Variants in LRMDA observed in about 807,000 individuals in gnomAD.
LRMDA encodes leucine rich melanocyte differentiation associated.
In LRMDA, 18 loss-of-function variants were observed where a neutral mutation model predicts 29.8. The observed-to-expected ratio is 0.60, with a 90% CI of 0.42 to 0.90. The LOEUF (loss-of-function observed/expected upper bound fraction) is 0.90, where lower values mean the gene tolerates loss of function less well. Ranked by LOEUF, LRMDA falls within the 40% of genes least tolerant of loss-of-function variation. The pLI, the probability that LRMDA is intolerant of heterozygous loss-of-function variation, is 0.00. For missense variants in LRMDA, 273 were observed against 273.9 expected, an observed-to-expected ratio of 1.00 and a Z score of 0.02; for synonymous variants, 125 against 109.4, an observed-to-expected ratio of 1.14 and a Z score of -0.89.
At chr10:75,966,864 A>G (rs1347200195) in intron 2 of LRMDA, among the ~76,000 whole-genome samples, 1 of 152,220 alleles carries the variant, frequency 6.6e-6, no homozygotes, top group Non-Finnish European at 1.5e-5. Context: ...CTATTATGAG[A>G]TCAAACAAGA....
At chr10:75,661,892 G>A (rs1841757974) in intron 2 of LRMDA, among the ~76,000 whole-genome samples, 2 of 152,122 alleles carry the variant, frequency 1.3e-5, no homozygotes, top group South Asian at 2.1e-4. Flanking sequence ...ATAATAAAAT[G>A]GATTGAGGCT....
chr10:75,695,236 A>AT (rs1297641389), intron 2 of LRMDA, among the ~76,000 whole-genome samples: 1 of 152,074 alleles, frequency 6.6e-6, no homozygotes, highest in African/African-American at 2.4e-5. Context: ...AAAAAATAAC[A>AT]TTTTTTAAAG....
chr10:76,249,215 A>T (rs1310631531), intron 5 of LRMDA, among the ~76,000 whole-genome samples: 1 of 152,172 alleles, frequency 6.6e-6, no homozygotes, highest in Non-Finnish European at 1.5e-5. Context: ...GCTGTTTTCT[A>T]TTCTTGCTTT....
intron 6 of LRMDA, among the ~76,000 whole-genome samples, chr10:76,508,743 T>C (rs568471067): frequency 1.3e-5 from 2 of 152,208 alleles, no homozygotes; most frequent in African/African-American, 4.8e-5. Context: ...GAAATCATGA[T>C]CTGGACCGTG....
At chr10:76,481,778 A>G (rs1285709922) in intron 6 of LRMDA, among the ~76,000 whole-genome samples, 3 of 152,030 alleles carry the variant, frequency 2.0e-5, no homozygotes, top group African/African-American at 7.2e-5. Flanking sequence ...GCCCTTCTCT[A>G]TACTGGGCTT....
chr10:76,533,070 T>G (rs1020351119), intron 6 of LRMDA, among the ~76,000 whole-genome samples: 6 of 152,186 alleles, frequency 3.9e-5, no homozygotes, highest in Non-Finnish European at 8.8e-5. Context: ...ATGCAGCCTT[T>G]GAAATGGATC....
At chr10:76,087,891 G>A (rs903495650) in intron 5 of LRMDA, among the ~76,000 whole-genome samples, 4 of 152,218 alleles carry the variant, frequency 2.6e-5, no homozygotes, top group Admixed American at 6.5e-5. Context: ...GGAGGCTAGA[G>A]TGGAAGGATT....
intron 5 of LRMDA, among the ~76,000 whole-genome samples, chr10:76,245,957 C>G (rs905259823): frequency 6.6e-6 from 1 of 152,280 alleles, no homozygotes; most frequent in African/African-American, 2.4e-5. Flanking sequence ...ATTAGAGATA[C>G]GATACTAGCA....
intron 6 of LRMDA, among the ~76,000 whole-genome samples, chr10:76,484,256 C>T (rs111364431): frequency 1.5e-3 from 229 of 151,734 alleles, no homozygotes; most frequent in African/African-American, 5.2e-3. Context: ...ACTTGTCATT[C>T]TTCTTTTCCT....
chr10:76,343,861 G>A (rs925075394), intron 6 of LRMDA, among the ~76,000 whole-genome samples: 4 of 141,176 alleles, frequency 2.8e-5, no homozygotes, highest in African/African-American at 1.1e-4. Context: ...TCTGTTGCCT[G>A]GGCTGGAGTG....
chr10:75,916,594 A>G (rs1398622252), intron 2 of LRMDA, among the ~76,000 whole-genome samples: 6 of 152,188 alleles, frequency 3.9e-5, no homozygotes, highest in Admixed American at 1.3e-4. Context: ...CTGCTCTGCC[A>G]TGCTTTTCTG....
intron 2 of LRMDA, among the ~76,000 whole-genome samples, chr10:75,873,637 T>C (rs1253754437): frequency 6.6e-5 from 10 of 152,192 alleles, no homozygotes; most frequent in African/African-American, 2.4e-5. Context: ...GGTGATTCAT[T>C]TGGAGCAGGT....
chr10:76,058,978 A>G (rs1848661673), intron 5 of LRMDA, among the ~76,000 whole-genome samples, 195 bp downstream of exon 5: 1 of 152,210 alleles, frequency 6.6e-6, no homozygotes, highest in South Asian at 2.1e-4. Context: ...TTTTACCAAT[A>G]AAGCAGCACT....
chr10:76,468,160 G>T (rs974846243), intron 6 of LRMDA, among the ~76,000 whole-genome samples: 1 of 152,074 alleles, frequency 6.6e-6, no homozygotes, highest in Admixed American at 6.5e-5. Flanking sequence ...TAAATTACTC[G>T]CCTCTTATCT....
intron 2 of LRMDA, among the ~76,000 whole-genome samples, chr10:75,727,617 C>T (rs1018732927): frequency 1.3e-5 from 2 of 152,120 alleles, no homozygotes; most frequent in African/African-American, 2.4e-5. Context: ...TGTTCTTTAA[C>T]GTGACAATGC....
intron 5 of LRMDA, among the ~76,000 whole-genome samples, chr10:76,169,275 A>G (rs980806076): frequency 6.6e-6 from 1 of 152,186 alleles, no homozygotes. Context: ...AATTCAGCTC[A>G]AGGGAATATT....
intron 5 of LRMDA, among the ~76,000 whole-genome samples, chr10:76,101,281 A>G (rs773643306): frequency 6.6e-6 from 1 of 152,220 alleles, no homozygotes; most frequent in African/African-American, 2.4e-5. Flanking sequence ...TTTTCATTCT[A>G]TGCCACATCT....
At chr10:75,751,942 T>C (rs188978814) in intron 2 of LRMDA, among the ~76,000 whole-genome samples, 6 of 152,148 alleles carry the variant, frequency 3.9e-5, no homozygotes, top group Non-Finnish European at 7.4e-5. Flanking sequence ...GTTTTTCTCT[T>C]TTCAATTCTC....
chr10:76,296,927 G>C (rs1278629004), intron 5 of LRMDA, among the ~76,000 whole-genome samples: 1 of 152,238 alleles, frequency 6.6e-6, no homozygotes, highest in African/African-American at 2.4e-5. Context: ...AGTTGTCACA[G>C]AGGGGATTGT....
Sources: allele counts gnomAD v4.1 joint callset (sites outside exome capture counted in the v4.1 genomes callset), GRCh38; gene constraint gnomAD v4.1.1; transcripts MANE v1.5; gene names NCBI Gene and HGNC (gene_info 2026-07-23, HGNC 2026-07-21).